RALGAPB: variants seen among roughly 807,000 people sequenced by gnomAD.
The protein encoded by RALGAPB is Ral GTPase activating protein non-catalytic subunit beta, also known as ral GTPase-activating protein subunit beta.
RALGAPB carries 25 observed loss-of-function variants against 161.1 expected under a neutral mutation model. The observed-to-expected ratio is 0.16, with a 90% CI of 0.11 to 0.22. The LOEUF is 0.22. Ranked by LOEUF, RALGAPB falls within the 10% of genes least tolerant of loss-of-function variation. RALGAPB has a pLI of 1.00. For missense variants in RALGAPB, 1,391 were observed against 1,815.2 expected (o/e 0.77, Z 4.25); for synonymous variants, 629 against 626.1 (o/e 1.00, Z -0.07).
Position 38,518,027 on chromosome 20 carries a change from T to C in RALGAPB, c.1417+27T>C, listed in dbSNP as rs755401468. 8.9e-6 allele frequency: 14 copies of C among 1,565,552 alleles called. No individual in the cohort carries two copies. In the African/African-American group the frequency reaches 1.2e-4, roughly 14 times the overall value. On this transcript the variant is annotated intron_variant, in intron 9 of 29. Coordinates refer to ENST00000262879, the MANE Select transcript of RALGAPB (RefSeq NM_020336.4). ...TAAATATTACTCAAGAAATATGTTA[T>C]CATTATTTTCCTTTTCCTTTTTCTT...
At chr20:38,535,020 A>G in intron 15 of RALGAPB, 54 bp from the exon 16 acceptor site, 2 of 1,577,230 alleles carry the variant, frequency 1.3e-6, no homozygotes, top group Non-Finnish European at 1.7e-6. Context: ...TCTCGTTACT[A>G]ATGCTTAGTT....
At chr20:38,547,109 A>G (rs1555882429) in intron 19 of RALGAPB, 1 of 152,214 alleles carries the variant, frequency 6.6e-6, no homozygotes, top group Non-Finnish European at 1.5e-5. Flanking sequence ...CCAGTGCCCT[A>G]CTGAAAATCC....
At chr20:38,520,170 C>A in intron 9 of RALGAPB, 1 of 452,518 alleles carries the variant, frequency 2.2e-6, no homozygotes, top group Non-Finnish European at 2.9e-6. Context: ...TAAAATTTCA[C>A]CATCTTTAAA....
In RALGAPB at chr20:38,558,291, G is replaced by A. The variant is rs1272461828; in HGVS notation, c.3373-4G>A. On this transcript the variant is annotated splice_region_variant and splice_polypyrimidine_tract_variant and intron_variant, in intron 22 of 29. Transcript: ENST00000262879. Reference sequence around the variant, plus strand: ...TAATTGCTCCTTTCTTCTTTTGGTGGCAGGAACCTGCAAATAGTCGTCTAC... The same window carrying A: ...TAATTGCTCCTTTCTTCTTTTGGTGACAGGAACCTGCAAATAGTCGTCTAC... 4 of 1,493,890 alleles carry A rather than the reference G, an allele frequency of 2.7e-6. No homozygotes were observed. Among genetic ancestry groups the A allele is most frequent in the Non-Finnish European group, 3.6e-6 (4 of 1,114,488 alleles). The allele number at this position is 1,493,890 out of a possible 1,614,324, so 92.5% of individuals were successfully genotyped here.
intron 6 of RALGAPB, among the ~76,000 whole-genome samples, chr20:38,510,040 A>T (rs927818124): frequency 1.3e-5 from 2 of 151,504 alleles, no homozygotes; most frequent in African/African-American, 4.9e-5. Flanking sequence ...GTCACCTATG[A>T]TTTCTTCCAA....
intron 1 of RALGAPB, among the ~76,000 whole-genome samples, chr20:38,474,775 CTA>C (rs2084757110): frequency 6.6e-6 from 1 of 152,178 alleles, no homozygotes; most frequent in Non-Finnish European, 1.5e-5. Flanking sequence ...AGGGCAGGGA[CTA>C]TGTTTTCTTC....
chr20:38,482,708 C>A (rs573236656), intron 1 of RALGAPB, among the ~76,000 whole-genome samples: 1 of 152,264 alleles, frequency 6.6e-6, no homozygotes, highest in African/African-American at 2.4e-5. Flanking sequence ...GGATTACAGG[C>A]GTGAGCCACC....
At chr20:38,545,859 T>C (rs1207756697) in intron 18 of RALGAPB, among the ~76,000 whole-genome samples, 1 of 152,210 alleles carries the variant, frequency 6.6e-6, no homozygotes, top group South Asian at 2.1e-4. Context: ...TCACAAAGCA[T>C]ATGGAATATG....
At chr20:38,546,765 A>C (rs2087179184) in intron 19 of RALGAPB, 3 of 260,168 alleles carry the variant, frequency 1.2e-5, no homozygotes, top group Non-Finnish European at 1.5e-5. Context: ...CCTCCCTCTC[A>C]CTCCTCATGT....
In RALGAPB at chr20:38,511,824, C is replaced by T. The variant is rs533590010; in HGVS notation, c.872+2616C>T. On this transcript the variant is annotated intron_variant, in intron 6 of 29. Coordinates refer to ENST00000262879, the MANE Select transcript of RALGAPB (RefSeq NM_020336.4). ...CAAAACCGCCATCATCATCATGGCCCGTTCTCAATGAGCTGTTGGGTACAC... is the reference window on the plus strand; with the variant it reads ...CAAAACCGCCATCATCATCATGGCCTGTTCTCAATGAGCTGTTGGGTACAC... Among the ~76,000 whole-genome samples, 3 of 152,294 alleles carry T rather than the reference C, an allele frequency of 2.0e-5. No individual in the cohort carries two copies. The East Asian group carries it at 5.8e-4, about 29-fold the overall frequency.
intron 6 of RALGAPB, among the ~76,000 whole-genome samples, chr20:38,511,725 T>C (rs1402126128): frequency 6.6e-6 from 1 of 152,252 alleles, no homozygotes; most frequent in Non-Finnish European, 1.5e-5. Context: ...CTCCTATGTC[T>C]ACTTCTTTCT....
intron 6 of RALGAPB, among the ~76,000 whole-genome samples, chr20:38,512,869 T>C (rs1202633748): frequency 1.3e-5 from 2 of 152,122 alleles, no homozygotes; most frequent in African/African-American, 4.8e-5. Context: ...ACGCCATTCT[T>C]CTGCCTCAGC....
rs577731296 is a variant in RALGAPB at position 38,554,157 on chromosome 20, A to T, written c.3372+81A>T. 5.8e-6 allele frequency: 7 copies of T among 1,216,390 alleles called. No homozygotes were observed. In the African/African-American group the frequency reaches 8.2e-5, roughly 14 times the overall value. 75.3% of individuals were successfully genotyped at this position (1,216,390 alleles called of 1,614,324 possible). A position where few individuals can be genotyped will look rare whatever the true frequency, so the allele number is the denominator to read the frequency against. On this transcript the variant is annotated intron_variant, in intron 22 of 29. Transcript: ENST00000262879. ...CAATAGCTAAAATATTTTTATCAGG[A>T]TAGAAGCGAATTAAAAAAAAAAAAA...
intron 1 of RALGAPB, among the ~76,000 whole-genome samples, chr20:38,484,314 T>C (rs2085057736): frequency 1.3e-5 from 2 of 152,184 alleles, no homozygotes; most frequent in Non-Finnish European, 2.9e-5. Context: ...TAAAGTGAAG[T>C]TGTAGGACCT....
chr20:38,500,263 AAGGG>A (rs1193269162), intron 5 of RALGAPB, among the ~76,000 whole-genome samples: 5 of 150,848 alleles, frequency 3.3e-5, no homozygotes, highest in Admixed American at 6.6e-5. Flanking sequence ...TTCCAAATTG[AAGGG>A]TTGTGGCAAC....
intron 16 of RALGAPB, among the ~76,000 whole-genome samples, chr20:38,535,445 A>G (rs1206621596): frequency 6.6e-6 from 1 of 152,256 alleles, no homozygotes; most frequent in Admixed American, 6.5e-5. Context: ...TATAGGAAAC[A>G]TTTCAATACT....
At chr20:38,528,443 G>A (rs989866565) in intron 13 of RALGAPB, among the ~76,000 whole-genome samples, 56 of 151,464 alleles carry the variant, frequency 3.7e-4, no homozygotes, top group African/African-American at 1.3e-3. Flanking sequence ...GCAATCATGG[G>A]TCACTGCAGC....
chr20:38,521,195 T>C (rs2086279230), intron 9 of RALGAPB, among the ~76,000 whole-genome samples: 2 of 152,252 alleles, frequency 1.3e-5, no homozygotes, highest in East Asian at 1.9e-4. Context: ...TTCTGTATTA[T>C]ATATCTGTAT....
At chr20:38,504,419 T>C (rs2085688929) in intron 5 of RALGAPB, among the ~76,000 whole-genome samples, 1 of 152,168 alleles carries the variant, frequency 6.6e-6, no homozygotes, top group African/African-American at 2.4e-5. Flanking sequence ...TTTCACCATA[T>C]ACAAAAATTA....
Sources: gnomAD v4.1 joint callset for allele counts (sites outside exome capture counted in the v4.1 genomes callset) on GRCh38, gnomAD v4.1.1 for gene constraint, MANE v1.5 for transcripts, NCBI Gene and HGNC (gene_info 2026-07-23, HGNC 2026-07-21) for gene names.